ANKRD13B: variants seen among roughly 807,000 people sequenced by gnomAD.
The protein encoded by ANKRD13B is ankyrin repeat domain 13B.
Under a neutral mutation model 74.4 loss-of-function variants are expected in ANKRD13B, and 33 were observed. The observed-to-expected ratio is 0.44, with a 90% confidence interval of 0.34 to 0.59. The LOEUF (loss-of-function observed/expected upper bound fraction) is 0.59. ANKRD13B is among the 20% of genes least tolerant of loss of function. ANKRD13B has a pLI of 0.02. For synonymous variants in ANKRD13B, 341 were observed against 362.9 expected (o/e 0.94, Z 0.68); for missense variants, 676 against 877.9 (o/e 0.77, Z 2.91).
intron 7 of ANKRD13B, 26 bp from the exon 8 acceptor site, chr17:29,610,659 T>C: frequency 6.2e-7 from 1 of 1,611,770 alleles, no homozygotes; most frequent in Non-Finnish European, 8.5e-7. Context: ...GAACTGCTTA[T>C]GAGCCCTTTC....
At chr17:29,601,205 C>T (rs1200746570) in intron 1 of ANKRD13B, among the ~76,000 whole-genome samples, 1 of 150,868 alleles carries the variant, frequency 6.6e-6, no homozygotes, top group Non-Finnish European at 1.5e-5. Flanking sequence ...GCATGAGCCA[C>T]TGCGCCCAGC....
Position 29,608,822 on chromosome 17 carries a change from A to G in ANKRD13B, c.422-29A>G. The stretch of plus-strand genomic sequence containing the variant: ...CAGGCCGTGTAGGCCAGACCAGTCA[A>G]AGCCACCTCCAACCTCCGCTTCCAC... On this transcript the variant is annotated intron_variant, in intron 4 of 14. Transcript: ENST00000394859. The surrounding 1 kb of genome is among the most constrained non-coding windows in gnomAD (Gnocchi z 6.4). 6.2e-7 allele frequency: 1 copy of G among 1,613,748 alleles called. No individual in the cohort carries two copies. Among genetic ancestry groups the G allele is most frequent in the Non-Finnish European group, 8.5e-7 (1 of 1,179,860 alleles).
At position 29,613,613 on chromosome 17, in the gene ANKRD13B, C is replaced by T; in HGVS notation, c.*31C>T. 4.3e-6 allele frequency: 6 copies of T among 1,394,706 alleles called. No homozygotes were observed. Among genetic ancestry groups the T allele is most frequent in the Middle Eastern group, 1.9e-4 (1 of 5,382 alleles). The allele number at this position is 1,394,706 out of a possible 1,614,324, so 86.4% of individuals were successfully genotyped here. ...CCTGCCGGGACCCTCGCCAGCGCCA[C>T]GCGCGCCACGCCCAGGGCCAGGAGC... On this transcript the variant is annotated 3_prime_UTR_variant, in exon 15 of 15. Coordinates refer to ENST00000394859, the MANE Select transcript of ANKRD13B (RefSeq NM_152345.5).
rs1185499314 is a variant in ANKRD13B, at chr17:29,593,134, C to T, written c.-488C>T. On this transcript the variant is annotated 5_prime_UTR_variant, in exon 1 of 15. Coordinates refer to ENST00000394859, the MANE Select transcript of ANKRD13B (RefSeq NM_152345.5). ...ACCCGGGGCGCCTGGTCCCCTTCCTCTCTCCCCATCATCCCCACATCCCCG... is the reference window on the plus strand; with the variant it reads ...ACCCGGGGCGCCTGGTCCCCTTCCTTTCTCCCCATCATCCCCACATCCCCG... Among the ~76,000 whole-genome samples the T allele has an allele frequency of 2.0e-5, 3 of 152,024 alleles. No homozygotes were observed. The highest frequency in any genetic ancestry group is 6.5e-5 in the Admixed American group (1 of 15,290).
rs1167759907 is a variant in ANKRD13B at position 29,612,997 on chromosome 17, G to A, written c.1652+34G>A. On this transcript the variant is annotated intron_variant, in intron 14 of 14. Transcript: ENST00000394859. The surrounding 1 kb of genome is among the most constrained non-coding windows in gnomAD (Gnocchi z 6.1). ...CCGCTGGGCCGGAGAGAATCCTCCG[G>A]AGAGGATCCTGTCTCCCCTAAGCCA... 6.3e-7 allele frequency: 1 copy of A among 1,583,044 alleles called. No homozygotes were observed.
rs1406877063 is a variant in ANKRD13B, at chr17:29,609,604, A to G, written c.822+183A>G. 6.6e-6 allele frequency among the ~76,000 whole-genome samples: 1 copy of G among 152,232 alleles called. No homozygotes were observed. On this transcript the variant is annotated intron_variant, in intron 7 of 14. Coordinates refer to ENST00000394859, the MANE Select transcript of ANKRD13B (RefSeq NM_152345.5). This position sits in a 1 kb window ranked among gnomAD's most constrained non-coding sequence, Gnocchi z 4.0. ...TATATGGATGTATGGATGTATACAC[A>G]GGGCACGTGCACACGCACACACACA...
chr17:29,593,277 G>T lies in ANKRD13B; in HGVS notation c.-345G>T, dbSNP rs1490567506. ...GGGCCCGCGTCCCGTGCGCCCCCGC[G>T]CCCGCTGCGGGCGCCTGCTCCCTCC... On this transcript the variant is annotated 5_prime_UTR_variant, in exon 1 of 15. Transcript: ENST00000394859. 1.3e-5 allele frequency among the ~76,000 whole-genome samples: 2 copies of T among 148,342 alleles called. No homozygotes were observed. The highest frequency in any genetic ancestry group is 4.9e-5 in the African/African-American group (2 of 40,870).
At chr17:29,600,324 C>G (rs776870496) in intron 1 of ANKRD13B, among the ~76,000 whole-genome samples, 1 of 152,138 alleles carries the variant, frequency 6.6e-6, no homozygotes, top group Non-Finnish European at 1.5e-5. Context: ...GATCAGGTGG[C>G]AGGCTGGCCT....
rs540685246 is a variant in ANKRD13B at position 29,599,717 on chromosome 17, T to C, written c.114+5982T>C. Among the ~76,000 whole-genome samples, 8 of 152,190 alleles carry C rather than the reference T, an allele frequency of 5.3e-5. 1 individual carries two copies. The South Asian group carries it at 1.5e-3, about 28-fold the overall frequency. Reference sequence around the variant, plus strand: ...GCAAGAGAAAGGGCAGGAGACGTCATGGAAAGCCAGGCTGTCCCATTTTGT... The same window carrying C: ...GCAAGAGAAAGGGCAGGAGACGTCACGGAAAGCCAGGCTGTCCCATTTTGT... On this transcript the variant is annotated intron_variant, in intron 1 of 14. Coordinates refer to ENST00000394859, the MANE Select transcript of ANKRD13B (RefSeq NM_152345.5).
Position 29,611,665 on chromosome 17 carries a change from C to T in ANKRD13B, c.969+22C>T, listed in dbSNP as rs760876081. The T allele has an allele frequency of 7.4e-6, 12 of 1,612,822 alleles. No homozygotes were observed. The highest frequency in any genetic ancestry group is 2.7e-5 in the African/African-American group (2 of 75,014). On this transcript the variant is annotated intron_variant, in intron 9 of 14. Transcript: ENST00000394859. The surrounding 1 kb of genome is among the most constrained non-coding windows in gnomAD (Gnocchi z 4.3). ...TGGGGTGAGTGTGTGCAGGGGTACC[C>T]GTAAGTGGAGGGATGTGGATGTGGC...
At position 29,602,834 on chromosome 17, in the gene ANKRD13B, G is replaced by A. The variant is rs377560958; in HGVS notation, c.115-4908G>A. Among the ~76,000 whole-genome samples the A allele has an allele frequency of 2.5e-3, 373 of 152,202 alleles. 3 individuals carry two copies. Among genetic ancestry groups the A allele is most frequent in the Middle Eastern group, 0.01 (3 of 294 alleles). ...TATCAAGTTTGGAAAAATTTTGGAC[G>A]TTCTTTCTTTCTTTTATTATTTATT... On this transcript the variant is annotated intron_variant, in intron 1 of 14. Transcript: ENST00000394859.
Position 29,612,596 on chromosome 17 carries a change from G to A in ANKRD13B, c.1411+42G>A, listed in dbSNP as rs1199149095. On this transcript the variant is annotated intron_variant, in intron 12 of 14. Transcript: ENST00000394859. The surrounding 1 kb of genome is among the most constrained non-coding windows in gnomAD (Gnocchi z 6.1). ...GAACGCCTGCCCCTCGGCTCTCCCC[G>A]GGGTGGGTGGGAGGGGCGCGCCCGG... 6.6e-7 allele frequency: 1 copy of A among 1,522,938 alleles called. No homozygotes were observed. Among genetic ancestry groups the A allele is most frequent in the Non-Finnish European group, 8.8e-7 (1 of 1,137,380 alleles). The allele number at this position is 1,522,938 out of a possible 1,614,324, so 94.3% of individuals were successfully genotyped here. A position where few individuals can be genotyped will look rare whatever the true frequency, so the allele number is the denominator to read the frequency against.
In ANKRD13B at chr17:29,614,512, C is replaced by A; in HGVS notation, c.*930C>A. ...ACCCTTCATCCAATGGTGCTAACCCCCGGCTCTCCCCTGCCCCACCTCACC... is the reference window on the plus strand; with the variant it reads ...ACCCTTCATCCAATGGTGCTAACCCACGGCTCTCCCCTGCCCCACCTCACC... On this transcript the variant is annotated 3_prime_UTR_variant, in exon 15 of 15. Coordinates refer to ENST00000394859, the MANE Select transcript of ANKRD13B (RefSeq NM_152345.5). 6.5e-6 allele frequency: 1 copy of A among 152,682 alleles called. No homozygotes were observed. Among genetic ancestry groups the A allele is most frequent in the Non-Finnish European group, 1.5e-5 (1 of 68,236 alleles). 9.5% of individuals were successfully genotyped at this position (152,682 alleles called of 1,614,324 possible). A position where few individuals can be genotyped will look rare whatever the true frequency, so the allele number is the denominator to read the frequency against.
intron 1 of ANKRD13B, among the ~76,000 whole-genome samples, chr17:29,606,727 G>T (rs2034391817): frequency 1.8e-4 from 7 of 38,864 alleles, no homozygotes; most frequent in African/African-American, 3.5e-4. Context: ...CCTGTCTCAA[G>T]TAAAAAAAAA....
intron 1 of ANKRD13B, among the ~76,000 whole-genome samples, chr17:29,594,312 G>C (rs2033876581): frequency 6.6e-6 from 1 of 152,256 alleles, no homozygotes; most frequent in Admixed American, 6.5e-5. Context: ...CAAGGGCCTT[G>C]TCCAGGTGCT....
chr17:29,613,329 C>G, intron 14 of ANKRD13B, 25 bp from the exon 15 acceptor site: 1 of 1,408,548 alleles, frequency 7.1e-7, no homozygotes, highest in Non-Finnish European at 9.2e-7. Context: ...CCCGGGAGCC[C>G]GCGACATTCC....
At chr17:29,597,992 G>A (rs920221785) in intron 1 of ANKRD13B, among the ~76,000 whole-genome samples, 1 of 152,126 alleles carries the variant, frequency 6.6e-6, no homozygotes, top group Non-Finnish European at 1.5e-5. Flanking sequence ...TGCAGCGGCT[G>A]CGGCTGCAGC....
intron 1 of ANKRD13B, among the ~76,000 whole-genome samples, chr17:29,602,138 G>A (rs537262601): frequency 9.2e-5 from 14 of 152,332 alleles, no homozygotes; most frequent in African/African-American, 2.6e-4. Flanking sequence ...GCTCACGCCT[G>A]TAATCCCAGC....
Position 29,608,146 on chromosome 17 carries a change from T to C in ANKRD13B, c.375+36T>C, listed in dbSNP as rs2034456077. ...GCCTCTCAGCCTCCACGGGAGCCCT[T>C]GAGCCCTTCTCCAGTGCAGACTTAG... On this transcript the variant is annotated intron_variant, in intron 3 of 14. Coordinates refer to ENST00000394859, the MANE Select transcript of ANKRD13B (RefSeq NM_152345.5). This position sits in a 1 kb window ranked among gnomAD's most constrained non-coding sequence, Gnocchi z 6.4. 1.2e-6 allele frequency: 2 copies of C among 1,613,808 alleles called. No homozygotes were observed. Among genetic ancestry groups the C allele is most frequent in the African/African-American group, 1.3e-5 (1 of 75,056 alleles).
Sources: gnomAD v4.1 joint callset for allele counts (sites outside exome capture counted in the v4.1 genomes callset) on GRCh38, gnomAD v4.1.1 for gene constraint, Gnocchi (gnomAD v3.1) non-coding constraint, MANE v1.5 for transcripts, NCBI Gene and HGNC (gene_info 2026-07-23, HGNC 2026-07-21) for gene names.